Variants in NLN observed in about 807,000 individuals in gnomAD.
The protein encoded by NLN is neurolysin.
Under a neutral mutation model 79.9 loss-of-function variants are expected in NLN, and 64 were observed. That is an observed-to-expected ratio of 0.80 (90% CI 0.65 to 0.99). NLN has a LOEUF of 0.99. Ranked by LOEUF, NLN falls within the 50% of genes least tolerant of loss-of-function variation. The pLI is 0.00. For synonymous variants in NLN, 267 were observed against 296.6 expected (o/e 0.90, Z 1.02); for missense variants, 835 against 858.7 (o/e 0.97, Z 0.34).
intron 11 of NLN, 73 bp from the exon 12 acceptor site, chr5:65,812,182 A>G (rs1202947656): frequency 8.2e-6 from 11 of 1,341,586 alleles, no homozygotes; most frequent in Non-Finnish European, 1.2e-5. Context: ...CCTCAGAGGG[A>G]AACCTTAGCT....
At chr5:65,776,798 C>T (rs553598325) in intron 3 of NLN, among the ~76,000 whole-genome samples, 28 of 152,254 alleles carry the variant, frequency 1.8e-4, no homozygotes, top group African/African-American at 6.7e-4. Flanking sequence ...ATTTACTGTC[C>T]AGCTTTCCTC....
chr5:65,787,815 C>A (rs1178081084), intron 7 of NLN, among the ~76,000 whole-genome samples: 1 of 152,138 alleles, frequency 6.6e-6, no homozygotes, highest in Non-Finnish European at 1.5e-5. Context: ...CTTCAGTCAG[C>A]GTTCTCTGAG....
intron 1 of NLN, among the ~76,000 whole-genome samples, chr5:65,751,218 A>G (rs566530896): frequency 6.6e-6 from 1 of 152,378 alleles, no homozygotes; most frequent in South Asian, 2.1e-4. Flanking sequence ...ACACAGTGAC[A>G]TGGTGACAGG....
intron 1 of NLN, chr5:65,722,962 A>T (rs1367903798): frequency 6.6e-6 from 1 of 152,552 alleles, no homozygotes; most frequent in Admixed American, 6.5e-5. Context: ...GTGCAAATTG[A>T]CTTGGCCCAA....
chr5:65,776,286 G>A (rs1759678258), intron 3 of NLN, among the ~76,000 whole-genome samples: 1 of 152,164 alleles, frequency 6.6e-6, no homozygotes, highest in Non-Finnish European at 1.5e-5. Context: ...CAGGCAAAGT[G>A]AGATACAGTT....
chr5:65,739,070 A>C (rs1029592201), intron 1 of NLN, among the ~76,000 whole-genome samples: 1 of 105,380 alleles, frequency 9.5e-6, no homozygotes, highest in Non-Finnish European at 2.1e-5. Flanking sequence ...GCCTGGCTAA[A>C]TTTTGTATTT....
intron 1 of NLN, chr5:65,740,837 C>G (rs868828708): frequency 3.5e-5 from 5 of 144,426 alleles, no homozygotes; most frequent in African/African-American, 1.0e-4. Context: ...TTTATATATA[C>G]GTATATTATA....
chr5:65,780,067 C>T (rs1266549837), intron 4 of NLN, 112 bp from the exon 5 acceptor site: 8 of 597,032 alleles, frequency 1.3e-5, no homozygotes, highest in Non-Finnish European at 2.1e-5. Flanking sequence ...CTCAAATGAT[C>T]CACCCACCTT....
At chr5:65,795,215 T>C (rs1044161669) in intron 9 of NLN, among the ~76,000 whole-genome samples, 1 of 151,450 alleles carries the variant, frequency 6.6e-6, no homozygotes, top group Non-Finnish European at 1.5e-5. Context: ...ATTAGCTGGG[T>C]GCGGTAGTGT....
intron 3 of NLN, among the ~76,000 whole-genome samples, chr5:65,772,428 C>T (rs2150752729): frequency 6.6e-6 from 1 of 152,288 alleles, no homozygotes; most frequent in East Asian, 1.9e-4. Flanking sequence ...CGCTGTGGCT[C>T]ACACAGAAGC....
At chr5:65,777,578 A>G (rs776268926) in intron 4 of NLN, 44 bp downstream of exon 4, 10 of 1,221,236 alleles carry the variant, frequency 8.2e-6, no homozygotes, top group Non-Finnish European at 8.3e-6. Context: ...AAAAATGAAT[A>G]AATAAAACAA....
intron 9 of NLN, among the ~76,000 whole-genome samples, chr5:65,802,549 G>A (rs552065875): frequency 4.6e-5 from 7 of 152,318 alleles, no homozygotes; most frequent in Admixed American, 2.6e-4. Context: ...ACAGCATGGC[G>A]AGCAAGGGGC....
At chr5:65,796,933 G>A (rs945923019) in intron 9 of NLN, among the ~76,000 whole-genome samples, 14 of 152,208 alleles carry the variant, frequency 9.2e-5, no homozygotes, top group African/African-American at 3.4e-4. Flanking sequence ...GACTAGAAGG[G>A]CTCGTTTGAG....
At chr5:65,722,469 G>A (rs1347787481) in intron 1 of NLN, 55 bp downstream of exon 1, 15 of 1,483,642 alleles carry the variant, frequency 1.0e-5, no homozygotes, top group Non-Finnish European at 1.2e-5. Context: ...GTCTTTCGCC[G>A]TGTGGTGCCT....
chr5:65,732,270 C>A (rs1758626803), intron 1 of NLN, among the ~76,000 whole-genome samples: 1 of 142,364 alleles, frequency 7.0e-6, no homozygotes. Flanking sequence ...AAGACTCTGC[C>A]CAGAGGGATG....
intron 12 of NLN, among the ~76,000 whole-genome samples, chr5:65,813,021 A>G (rs1010761628): frequency 1.3e-5 from 2 of 152,180 alleles, no homozygotes; most frequent in African/African-American, 4.8e-5. Context: ...AGGCTGATGC[A>G]TTTTCCAATG....
chr5:65,800,490 A>G (rs1363093625), intron 9 of NLN, among the ~76,000 whole-genome samples: 1 of 152,020 alleles, frequency 6.6e-6, no homozygotes, highest in Non-Finnish European at 1.5e-5. Context: ...CCTGGCTAAC[A>G]CGGTGAAACC....
At chr5:65,798,698 C>T (rs1325572364) in intron 9 of NLN, among the ~76,000 whole-genome samples, 1 of 152,046 alleles carries the variant, frequency 6.6e-6, no homozygotes, top group East Asian at 1.9e-4. Flanking sequence ...TTTGCTTATA[C>T]ATATATAAAC....
At chr5:65,806,717 A>G (rs1760420794) in intron 9 of NLN, among the ~76,000 whole-genome samples, 1 of 152,210 alleles carries the variant, frequency 6.6e-6, no homozygotes, top group Non-Finnish European at 1.5e-5. Context: ...TATTACATAA[A>G]CTTAGTTGGT....
Sources: gnomAD v4.1 joint callset for allele counts (sites outside exome capture counted in the v4.1 genomes callset) on GRCh38, gnomAD v4.1.1 for gene constraint, MANE v1.5 for transcripts, NCBI Gene and HGNC (gene_info 2026-07-23, HGNC 2026-07-21) for gene names.